HYDIN: variants seen among roughly 807,000 people sequenced by gnomAD.
The protein encoded by HYDIN is HYDIN axonemal central pair apparatus protein.
Under a neutral mutation model 403.9 loss-of-function variants are expected in HYDIN, and 132 were observed. The observed-to-expected ratio is 0.33, with a 90% confidence interval of 0.28 to 0.38. The LOEUF (loss-of-function observed/expected upper bound fraction) is 0.38. Among genes scored for constraint, HYDIN ranks in the 10% least tolerant of loss-of-function variants. The pLI, the probability that HYDIN is intolerant of heterozygous loss-of-function variation, is 1.00. For synonymous variants in HYDIN, 1,202 were observed against 1,891.7 expected (o/e 0.64, Z 9.46); for missense variants, 2,827 against 5,009.5 (o/e 0.56, Z 13.15).
chr16:71,061,619 G>A (rs947724075), intron 17 of HYDIN, among the ~76,000 whole-genome samples: 24 of 151,998 alleles, frequency 1.6e-4, no homozygotes, highest in African/African-American at 5.8e-4. Flanking sequence ...ATTAGCTTGA[G>A]TAGGCTAATA....
intron 21 of HYDIN, among the ~76,000 whole-genome samples, chr16:71,025,148 G>T (rs538961194): frequency 1.7e-4 from 26 of 152,092 alleles, no homozygotes; most frequent in African/African-American, 6.3e-4. Context: ...CACTTCCTTA[G>T]GTCTTAGACA....
chr16:71,003,013 T>C (rs538579310), intron 23 of HYDIN, among the ~76,000 whole-genome samples: 1 of 152,280 alleles, frequency 6.6e-6, no homozygotes, highest in South Asian at 2.1e-4. Context: ...ATAGATGACA[T>C]ATTGTTTCTG....
At chr16:71,213,949 A>C (rs967351081) in intron 1 of HYDIN, among the ~76,000 whole-genome samples, 1 of 152,136 alleles carries the variant, frequency 6.6e-6, no homozygotes, top group African/African-American at 2.4e-5. Context: ...TAATGCTGGA[A>C]GACAAAAAAG....
intron 1 of HYDIN, among the ~76,000 whole-genome samples, chr16:71,187,265 T>C (rs1339432364): frequency 2.6e-5 from 4 of 152,168 alleles, no homozygotes; most frequent in Non-Finnish European, 5.9e-5. Context: ...TTTATCTACA[T>C]ATTTGAAAGC....
At chr16:71,069,978 C>T (rs1208764056) in intron 13 of HYDIN, among the ~76,000 whole-genome samples, 1 of 152,240 alleles carries the variant, frequency 6.6e-6, no homozygotes, top group East Asian at 1.9e-4. Context: ...TGACCCAGAG[C>T]TTGCCAAGAC....
chr16:70,841,345 A>G (rs572296205), intron 75 of HYDIN, among the ~76,000 whole-genome samples: 1 of 152,226 alleles, frequency 6.6e-6, no homozygotes, highest in South Asian at 2.1e-4. Flanking sequence ...TGTTTGCTCT[A>G]AGAAATGTAA....
intron 11 of HYDIN, 166 bp downstream of exon 11, chr16:71,093,651 A>G (rs1390663463): frequency 2.3e-6 from 1 of 436,108 alleles, no homozygotes; most frequent in Non-Finnish European, 3.9e-6. Context: ...CATGATGGCC[A>G]GGCAGGAGGA....
At chr16:70,913,114 T>A (rs1056225953) in intron 47 of HYDIN, among the ~76,000 whole-genome samples, 48 of 151,926 alleles carry the variant, frequency 3.2e-4, no homozygotes, top group Non-Finnish European at 6.0e-4. Flanking sequence ...GTATTGCTTT[T>A]TTTTTTGTTT....
chr16:71,224,489 T>C (rs958097861), intron 1 of HYDIN, among the ~76,000 whole-genome samples: 3 of 152,096 alleles, frequency 2.0e-5, no homozygotes, highest in Admixed American at 2.0e-4. Context: ...TGTTCTTTGC[T>C]CTGAAATGAT....
intron 10 of HYDIN, among the ~76,000 whole-genome samples, chr16:71,109,431 C>T (rs1207838603): frequency 7.3e-6 from 1 of 137,204 alleles, no homozygotes; most frequent in Non-Finnish European, 1.5e-5. Flanking sequence ...CTACATGCCA[C>T]GTTTATCTTA....
intron 5 of HYDIN, among the ~76,000 whole-genome samples, chr16:71,169,744 A>T (rs140589521): frequency 6.6e-6 from 1 of 152,322 alleles, no homozygotes; most frequent in East Asian, 1.9e-4. Context: ...CCTATTATAC[A>T]ACATGGTTAA....
intron 53 of HYDIN, 74 bp from the exon 54 acceptor site, chr16:70,896,154 T>C (rs2143734736): frequency 6.3e-7 from 1 of 1,576,802 alleles, no homozygotes; most frequent in African/African-American, 1.4e-5. Context: ...TGTAATATCC[T>C]AACGGGGATA....
At chr16:70,915,956 C>T (rs1457558218) in intron 47 of HYDIN, among the ~76,000 whole-genome samples, 5 of 152,218 alleles carry the variant, frequency 3.3e-5, no homozygotes, top group African/African-American at 1.2e-4. Flanking sequence ...TCACCCAGCT[C>T]CCATGCAATC....
At chr16:70,886,965 ATTCC>A (rs2041177172) in intron 58 of HYDIN, among the ~76,000 whole-genome samples, 1 of 152,062 alleles carries the variant, frequency 6.6e-6, no homozygotes, top group African/African-American at 2.4e-5. Flanking sequence ...TTCTGTCATT[ATTCC>A]TTTGAGTATA....
At chr16:71,068,271 T>C (rs1397458822) in intron 14 of HYDIN, among the ~76,000 whole-genome samples, 1 of 147,906 alleles carries the variant, frequency 6.8e-6, no homozygotes, top group East Asian at 2.0e-4. Context: ...CTTTTCTATC[T>C]ATAAATTATG....
At chr16:71,069,958 G>A (rs1459056004) in intron 13 of HYDIN, among the ~76,000 whole-genome samples, 1 of 152,176 alleles carries the variant, frequency 6.6e-6, no homozygotes, top group African/African-American at 2.4e-5. Context: ...GCATGGTTTT[G>A]CCCCCTGGGT....
At chr16:70,850,417 G>C (rs746418582) in intron 74 of HYDIN, 31 bp downstream of exon 74, 2 of 1,011,988 alleles carry the variant, frequency 2.0e-6, no homozygotes, top group Non-Finnish European at 2.9e-6. Context: ...TGGAAGCTGA[G>C]ATAGATAGCA....
At chr16:70,892,227 TC>T in intron 56 of HYDIN, 133 bp downstream of exon 56, 1 of 849,710 alleles carries the variant, frequency 1.2e-6, no homozygotes, top group Middle Eastern at 3.7e-4. Flanking sequence ...CCCCGGTGTA[TC>T]CTATCTGGTT....
At chr16:70,839,313 A>T (rs1275370310) in intron 76 of HYDIN, among the ~76,000 whole-genome samples, 2 of 139,098 alleles carry the variant, frequency 1.4e-5, no homozygotes, top group Non-Finnish European at 3.0e-5. Context: ...AAGATCACAC[A>T]ACTAGGGAAG....
Sources: gnomAD v4.1 joint callset for allele counts (sites outside exome capture counted in the v4.1 genomes callset) on GRCh38, gnomAD v4.1.1 for gene constraint, MANE v1.5 for transcripts, NCBI Gene and HGNC (gene_info 2026-07-23, HGNC 2026-07-21) for gene names.